The following NRG3 variants were observed in gnomAD, a reference collection of about 807,000 sequenced individuals.
The protein encoded by NRG3 is pro-neuregulin-3, membrane-bound isoform.
NRG3 carries 31 observed loss-of-function variants against 66.9 expected under a neutral mutation model. The observed-to-expected ratio is 0.46, with a 90% CI of 0.35 to 0.63. NRG3 has a LOEUF of 0.63. NRG3 is among the 20% of genes least tolerant of loss of function. The probability of loss-of-function intolerance (pLI) is 0.00; values close to 1 mark genes in which losing one functional copy is unlikely to be tolerated. For missense variants in NRG3, 910 were observed against 878.9 expected (o/e 1.04, Z -0.45); for synonymous variants, 393 against 359.4 (o/e 1.09, Z -1.06).
At chr10:82,751,033 C>A (rs1343615062) in intron 3 of NRG3, among the ~76,000 whole-genome samples, 1 of 152,130 alleles carries the variant, frequency 6.6e-6, no homozygotes, top group Non-Finnish European at 1.5e-5. Flanking sequence ...ATGATACGCA[C>A]TTGACAAAAC....
chr10:82,607,226 A>G (rs760454877), intron 2 of NRG3, among the ~76,000 whole-genome samples: 1 of 152,186 alleles, frequency 6.6e-6, no homozygotes, highest in Non-Finnish European at 1.5e-5. Flanking sequence ...ATATTTTTAT[A>G]GTAATTATAT....
At chr10:82,045,323 A>G (rs1466307929) in intron 1 of NRG3, among the ~76,000 whole-genome samples, 1 of 64,072 alleles carries the variant, frequency 1.6e-5, no homozygotes, top group African/African-American at 3.8e-5. Context: ...GCCAGTGATG[A>G]TGAGCATTTT....
At chr10:81,925,662 C>A (rs967704571) in intron 1 of NRG3, among the ~76,000 whole-genome samples, 1 of 152,006 alleles carries the variant, frequency 6.6e-6, no homozygotes, top group Admixed American at 6.5e-5. Context: ...TAATTCTTGA[C>A]TTTGCTCAAG....
chr10:82,117,585 G>GT (rs1220958279), intron 1 of NRG3, among the ~76,000 whole-genome samples: 4 of 152,046 alleles, frequency 2.6e-5, no homozygotes, highest in African/African-American at 7.2e-5. Context: ...CTGAGACATA[G>GT]TTTTTTTCTG....
intron 1 of NRG3, among the ~76,000 whole-genome samples, chr10:81,892,791 C>T (rs757487616): frequency 5.9e-5 from 9 of 152,122 alleles, no homozygotes; most frequent in African/African-American, 1.7e-4. Context: ...ATAAGTTAAT[C>T]GTACATTTAA....
intron 2 of NRG3, among the ~76,000 whole-genome samples, chr10:82,666,888 G>A (rs148801515): frequency 6.6e-6 from 1 of 152,152 alleles, no homozygotes; most frequent in Admixed American, 6.5e-5. Context: ...TTTGTGAGAT[G>A]ACTTTAATAA....
At chr10:82,835,647 CATCTTGTTCCTGTTCTG>C (rs2062736204) in intron 3 of NRG3, among the ~76,000 whole-genome samples, 1 of 152,136 alleles carries the variant, frequency 6.6e-6, no homozygotes, top group Admixed American at 6.6e-5. Context: ...CATGACCCTC[CATCTTGTTCCTGTTCTG>C]AGCTTTTATG....
chr10:82,259,360 A>G (rs17099667), intron 1 of NRG3, among the ~76,000 whole-genome samples: 11,981 of 152,142 alleles, frequency 0.079, 855 homozygotes, highest in African/African-American at 0.19. Flanking sequence ...GGCCAGAGTC[A>G]TTAAGATAAA....
intron 1 of NRG3, among the ~76,000 whole-genome samples, chr10:82,109,372 C>T (rs563036890): frequency 3.3e-5 from 5 of 152,282 alleles, no homozygotes; most frequent in African/African-American, 9.6e-5. Flanking sequence ...TTTATTTAGT[C>T]AACACTTTAG....
At chr10:82,201,174 G>A (rs2074794779) in intron 1 of NRG3, among the ~76,000 whole-genome samples, 1 of 146,052 alleles carries the variant, frequency 6.8e-6, no homozygotes, top group Admixed American at 6.9e-5. Context: ...CTCCAGCCTG[G>A]TGACAGAGTG....
chr10:82,764,374 A>ATTT (rs58671270), intron 3 of NRG3, among the ~76,000 whole-genome samples: 1 of 134,438 alleles, frequency 7.4e-6, no homozygotes, highest in African/African-American at 2.8e-5. Flanking sequence ...CCCTATGCAA[A>ATTT]TTTTTTTTTT....
intron 4 of NRG3, among the ~76,000 whole-genome samples, chr10:82,902,832 C>CT (rs1437304339): frequency 1.3e-5 from 2 of 151,844 alleles, no homozygotes; most frequent in African/African-American, 2.4e-5. Flanking sequence ...TTTTGGAGAT[C>CT]TTTGAGTTTT....
chr10:82,377,433 C>CGTGTGTGTGT (rs1351097784), intron 2 of NRG3, among the ~76,000 whole-genome samples: 4 of 121,876 alleles, frequency 3.3e-5, no homozygotes, highest in African/African-American at 9.5e-5. Context: ...TGTGTGTGTG[C>CGTGTGTGTGT]GCGTGTGTGT....
intron 2 of NRG3, among the ~76,000 whole-genome samples, chr10:82,536,012 G>A (rs1291071590): frequency 6.7e-6 from 1 of 150,284 alleles, no homozygotes; most frequent in Non-Finnish European, 1.5e-5. Context: ...TGAGATATTC[G>A]CCAAATGGCA....
chr10:82,171,558 G>T lies in NRG3; in HGVS notation c.824-187181G>T, dbSNP rs2133103331. On this transcript the variant is annotated intron_variant, in intron 1 of 8. Transcript: ENST00000372141. Reference sequence around the variant, plus strand: ...CAAGATGTTTCCTTCATCAGAGCAGGTTAAATTCAGCTGCGAGTATTACAG... The same window carrying T: ...CAAGATGTTTCCTTCATCAGAGCAGTTTAAATTCAGCTGCGAGTATTACAG... Among the ~76,000 whole-genome samples the T allele has an allele frequency of 2.0e-5, 3 of 152,186 alleles. No homozygotes were observed. The South Asian group carries it at 6.2e-4, about 32-fold the overall frequency.
intron 3 of NRG3, among the ~76,000 whole-genome samples, chr10:82,785,786 A>C (rs1286250245): frequency 6.6e-6 from 1 of 152,186 alleles, no homozygotes; most frequent in Non-Finnish European, 1.5e-5. Flanking sequence ...CAGAATGAAA[A>C]GATTTAGAAA....
intron 4 of NRG3, among the ~76,000 whole-genome samples, chr10:82,907,203 A>G (rs968347289): frequency 5.3e-5 from 8 of 152,156 alleles, no homozygotes; most frequent in African/African-American, 9.7e-5. Context: ...GTCTTCACTG[A>G]GTTTTAGTTC....
chr10:82,895,026 G>A (rs1390880946), intron 4 of NRG3, among the ~76,000 whole-genome samples: 1 of 152,126 alleles, frequency 6.6e-6, no homozygotes, highest in African/African-American at 2.4e-5. Context: ...ACTTTGCTGA[G>A]AATGATGGTG....
At position 82,715,788 on chromosome 10, in the gene NRG3, A is replaced by AT. The variant is rs565263654; in HGVS notation, c.954-22782dup. On this transcript the variant is annotated intron_variant, in intron 2 of 8. Coordinates refer to ENST00000372141, the MANE Select transcript of NRG3 (RefSeq NM_001010848.4). ...TAGACCAGTGTCTTATAAACAACAGATTTTTTTCTCACAGTTCTGGAGGCT... is the reference window on the plus strand; with the variant it reads ...TAGACCAGTGTCTTATAAACAACAGATTTTTTTTCTCACAGTTCTGGAGGCT... Among the ~76,000 whole-genome samples the AT allele has an allele frequency of 3.1e-3, 468 of 152,188 alleles. 3 individuals are homozygous for AT. Among genetic ancestry groups the AT allele is most frequent in the African/African-American group, 0.011 (445 of 41,534 alleles).
Sources: gnomAD v4.1 joint callset for allele counts (sites outside exome capture counted in the v4.1 genomes callset) on GRCh38, gnomAD v4.1.1 for gene constraint, MANE v1.5 for transcripts, NCBI Gene and HGNC (gene_info 2026-07-23, HGNC 2026-07-21) for gene names.